Variants in SYT9 observed in about 807,000 individuals in gnomAD.
SYT9 encodes the protein synaptotagmin-9.
SYT9 carries 22 observed loss-of-function variants against 48.4 expected under a neutral mutation model. That is an observed-to-expected ratio of 0.45 (90% CI 0.32 to 0.65). The LOEUF is 0.65. Ranked by LOEUF, SYT9 falls within the 30% of genes least tolerant of loss-of-function variation. The probability of loss-of-function intolerance (pLI) is 0.03; values close to 1 mark genes in which losing one functional copy is unlikely to be tolerated. For missense variants in SYT9, 577 were observed against 622.0 expected (o/e 0.93, Z 0.77); for synonymous variants, 265 against 245.0 (o/e 1.08, Z -0.76).
At chr11:7,302,974 C>A in intron 1 of SYT9, 65 bp from the exon 2 acceptor site, 1 of 1,442,746 alleles carries the variant, frequency 6.9e-7, no homozygotes, top group Non-Finnish European at 9.6e-7. Context: ...ATTCTGCCCA[C>A]GCTGTGCAAT....
chr11:7,464,899 A>G (rs548192005), intron 6 of SYT9, among the ~76,000 whole-genome samples: 28 of 151,796 alleles, frequency 1.8e-4, no homozygotes, highest in Admixed American at 5.9e-4. Flanking sequence ...TGGCTAACAC[A>G]GTGAAACCCC....
At chr11:7,301,186 G>T (rs192703834) in intron 1 of SYT9, among the ~76,000 whole-genome samples, 13 of 152,262 alleles carry the variant, frequency 8.5e-5, no homozygotes, top group African/African-American at 3.1e-4. Context: ...AAAAAGATTT[G>T]CAGAGTTACC....
intron 1 of SYT9, among the ~76,000 whole-genome samples, chr11:7,273,595 C>T (rs938799630): frequency 1.5e-4 from 23 of 151,920 alleles, no homozygotes; most frequent in African/African-American, 5.1e-4. Context: ...TAAGTGAGTC[C>T]CATGGCCAGG....
chr11:7,425,851 G>C (rs1847446690), intron 6 of SYT9, among the ~76,000 whole-genome samples: 1 of 152,104 alleles, frequency 6.6e-6, no homozygotes, highest in African/African-American at 2.4e-5. Context: ...ATATGATGAG[G>C]TGCTCCCCCC....
chr11:7,358,517 C>T (rs1419795966), intron 3 of SYT9, among the ~76,000 whole-genome samples: 1 of 152,050 alleles, frequency 6.6e-6, no homozygotes, highest in African/African-American at 2.4e-5. Flanking sequence ...AGCAAGTATT[C>T]TTGTCTTGTT....
intron 3 of SYT9, among the ~76,000 whole-genome samples, chr11:7,398,411 T>A (rs1299629864): frequency 1.0e-5 from 1 of 95,388 alleles, no homozygotes; most frequent in Admixed American, 1.1e-4. Context: ...AGTTTTCTTT[T>A]CTTTTTTTTT....
Position 7,252,272 on chromosome 11 carries a change from G to C in SYT9, c.86G>C (p.Ser29Thr), listed in dbSNP as rs1464631528. 6.6e-7 allele frequency: 1 copy of C among 1,511,686 alleles called. No homozygotes were observed. The highest frequency in any genetic ancestry group is 2.8e-5 in the East Asian group (1 of 35,648). 93.6% of individuals were successfully genotyped at this position (1,511,686 alleles called of 1,614,324 possible). A position where few individuals can be genotyped will look rare whatever the true frequency, so the allele number is the denominator to read the frequency against. ...GCCCGTGGGGCCCTGGAGCACGACA[G>C]CTGCCAGGATTTCATTTACCACCTG... ...LCARGALEHD[S>T]CQDFIYHLRD... Residue 29 changes from serine to threonine, a missense_variant, in exon 1 of 7, where the codon AGC becomes ACC. By Grantham distance (58) the Ser-to-Thr change is moderately conservative. Coordinates refer to ENST00000318881, the MANE Select transcript of SYT9 (RefSeq NM_175733.4). This position sits in a 1 kb window ranked among gnomAD's most constrained non-coding sequence, Gnocchi z 6.3.
intron 3 of SYT9, among the ~76,000 whole-genome samples, chr11:7,358,208 T>G (rs913484175): frequency 6.6e-6 from 1 of 152,118 alleles, no homozygotes; most frequent in Non-Finnish European, 1.5e-5. Context: ...AAATCATAAG[T>G]TTTTTTAGAT....
chr11:7,431,580 C>T (rs550908929), intron 6 of SYT9, among the ~76,000 whole-genome samples: 5 of 152,326 alleles, frequency 3.3e-5, no homozygotes, highest in African/African-American at 9.6e-5. Context: ...AAAGGCATTT[C>T]GGAGACCTTG....
At chr11:7,444,533 A>G (rs1287005539) in intron 6 of SYT9, 1 of 152,222 alleles carries the variant, frequency 6.6e-6, no homozygotes, top group African/African-American at 2.4e-5. Flanking sequence ...CATCAATTAA[A>G]TCATTACCAT....
At chr11:7,397,262 G>C (rs1010750279) in intron 3 of SYT9, among the ~76,000 whole-genome samples, 3 of 152,080 alleles carry the variant, frequency 2.0e-5, no homozygotes, top group African/African-American at 7.2e-5. Context: ...GTTAAAAAGA[G>C]TATCCTTTAT....
At chr11:7,271,496 G>T (rs1048982123) in intron 1 of SYT9, among the ~76,000 whole-genome samples, 1 of 152,234 alleles carries the variant, frequency 6.6e-6, no homozygotes, top group South Asian at 2.1e-4. Flanking sequence ...GGGCAAGGGA[G>T]AAATGGATGC....
At chr11:7,454,379 C>A in intron 6 of SYT9, 1 of 880,518 alleles carries the variant, frequency 1.1e-6, no homozygotes, top group Non-Finnish European at 1.4e-6. Flanking sequence ...TAGAGGCCTT[C>A]AGCTGCTTCT....
intron 1 of SYT9, among the ~76,000 whole-genome samples, chr11:7,257,603 T>C (rs902949393): frequency 6.6e-5 from 10 of 152,130 alleles, no homozygotes; most frequent in Non-Finnish European, 5.9e-5. Flanking sequence ...TCTAAGGTAG[T>C]CAAAAGAGAA....
intron 1 of SYT9, among the ~76,000 whole-genome samples, chr11:7,280,370 C>A (rs1228181767): frequency 6.6e-6 from 1 of 152,230 alleles, no homozygotes; most frequent in Non-Finnish European, 1.5e-5. Context: ...AACAATGACA[C>A]ATGTCAGAAC....
chr11:7,418,145 T>A lies in SYT9; in HGVS notation c.1337+17T>A, dbSNP rs373446356. On this transcript the variant is annotated intron_variant, in intron 5 of 6. Coordinates refer to ENST00000318881, the MANE Select transcript of SYT9 (RefSeq NM_175733.4). ...CTATGACCGGTGAGATACCTGGAAC[T>A]CTTTTCCAGTGCAAGTTCACTGTGC... 1 of 1,610,712 alleles carries A rather than the reference T, an allele frequency of 6.2e-7. No homozygotes were observed. The highest frequency in any genetic ancestry group is 8.5e-7 in the Non-Finnish European group (1 of 1,178,632).
intron 3 of SYT9, among the ~76,000 whole-genome samples, chr11:7,345,918 A>T (rs747803893): frequency 6.6e-6 from 1 of 152,216 alleles, no homozygotes; most frequent in Non-Finnish European, 1.5e-5. Context: ...AGAGCCAAAG[A>T]GGTAAAAGGA....
At chr11:7,427,682 T>A (rs1847488825) in intron 6 of SYT9, 2 of 152,162 alleles carry the variant, frequency 1.3e-5, no homozygotes, top group Non-Finnish European at 1.5e-5. Flanking sequence ...AGAAAAATAA[T>A]AGGAATGGGG....
At chr11:7,280,091 C>T (rs1388467032) in intron 1 of SYT9, among the ~76,000 whole-genome samples, 1 of 152,190 alleles carries the variant, frequency 6.6e-6, no homozygotes, top group African/African-American at 2.4e-5. Context: ...AACTAATTCT[C>T]CAGAATAGAA....
Sources: allele counts gnomAD v4.1 joint callset (sites outside exome capture counted in the v4.1 genomes callset), GRCh38; gene constraint gnomAD v4.1.1; non-coding constraint Gnocchi (gnomAD v3.1); transcripts MANE v1.5; gene names NCBI Gene and HGNC (gene_info 2026-07-23, HGNC 2026-07-21).